Variants in USP46 observed in about 807,000 individuals in gnomAD.
USP46 encodes ubiquitin carboxyl-terminal hydrolase 46.
Under a neutral mutation model 44.4 loss-of-function variants are expected in USP46, and 12 were observed. The ratio of observed to expected loss-of-function variants is 0.27; its 90% CI spans 0.17 to 0.44. USP46 has a LOEUF of 0.44. Among genes scored for constraint, USP46 ranks in the 20% least tolerant of loss-of-function variants. The probability of loss-of-function intolerance (pLI) is 1.00; values close to 1 mark genes in which losing one functional copy is unlikely to be tolerated. For synonymous variants in USP46, 155 were observed against 161.5 expected (o/e 0.96, Z 0.31); for missense variants, 248 against 444.8 (o/e 0.56, Z 3.98).
intron 1 of USP46, among the ~76,000 whole-genome samples, chr4:52,644,695 T>G (rs1718474104): frequency 7.1e-6 from 1 of 140,274 alleles, no homozygotes; most frequent in Admixed American, 7.5e-5. Flanking sequence ...CTGTCCCTGG[T>G]GCCAAAAAGT....
At chr4:52,619,310 A>AG (rs1717289253) in intron 4 of USP46, among the ~76,000 whole-genome samples, 1 of 152,126 alleles carries the variant, frequency 6.6e-6, no homozygotes, top group African/African-American at 2.4e-5. Flanking sequence ...GAAAAAAAAA[A>AG]AAAAGAAAAA....
chr4:52,643,528 C>T (rs1054635510), intron 1 of USP46, among the ~76,000 whole-genome samples: 3 of 152,210 alleles, frequency 2.0e-5, no homozygotes, highest in Non-Finnish European at 4.4e-5. Context: ...ACTGTCCAGA[C>T]ATTTACAGAA....
rs888522530 is a variant in USP46 at position 52,608,237 on chromosome 4, T to C, written c.638+2304A>G. ...CTGTTTCTGGATGGGAAGGCTATCA[T>C]TTTTTGTAAACACAGCTATCGTGTC... is the stretch of plus-strand genomic sequence containing the variant. On this transcript the variant is annotated intron_variant, in intron 5 of 8. Transcript: ENST00000441222. Among the ~76,000 whole-genome samples, 5 of 152,378 alleles carry C rather than the reference T, an allele frequency of 3.3e-5. No individual in the cohort carries two copies. The East Asian group carries it at 9.6e-4, about 29-fold the overall frequency.
intron 4 of USP46, among the ~76,000 whole-genome samples, chr4:52,621,394 G>A (rs543855133): frequency 6.6e-5 from 10 of 152,256 alleles, no homozygotes; most frequent in South Asian, 2.1e-4. Context: ...TGTGGCTCAC[G>A]TATGTAATCC....
At chr4:52,612,732 A>G (rs1197438390) in intron 4 of USP46, among the ~76,000 whole-genome samples, 1 of 152,214 alleles carries the variant, frequency 6.6e-6, no homozygotes, top group East Asian at 1.9e-4. Context: ...CTACAAACAC[A>G]CAAGTTTAGC....
intron 4 of USP46, among the ~76,000 whole-genome samples, chr4:52,616,733 A>G (rs1187596162): frequency 6.6e-6 from 1 of 152,238 alleles, no homozygotes; most frequent in Non-Finnish European, 1.5e-5. Flanking sequence ...GTGGAAGGAC[A>G]TAAGACATAT....
Position 52,632,998 on chromosome 4 carries a change from G to GAAAGAAAGAAAGAAAGAAAAGA in USP46, c.37-1855_37-1854insTCTTTTCTTTCTTTCTTTCTTT. 4.4e-5 allele frequency among the ~76,000 whole-genome samples: 5 copies of GAAAGAAAGAAAGAAAGAAAAGA among 112,618 alleles called. No homozygotes were observed. The South Asian group carries it at 1.2e-3, about 27-fold the overall frequency. The allele number at this position is 112,618 out of a possible 152,430, so 73.9% of individuals were successfully genotyped here. A position where few individuals can be genotyped will look rare whatever the true frequency, so the allele number is the denominator to read the frequency against. On this transcript the variant is annotated intron_variant, in intron 1 of 8. Transcript: ENST00000441222. ...AAAGAAAGAAAGAAAAGAAAAGAAA[G>GAAAGAAAGAAAGAAAGAAAAGA]AAAGAAAGAAAGAAAGAAAGAAAGA... is the stretch of plus-strand genomic sequence containing the variant.
chr4:52,613,644 C>T (rs901867924), intron 4 of USP46, among the ~76,000 whole-genome samples: 1 of 151,616 alleles, frequency 6.6e-6, no homozygotes, highest in Admixed American at 6.6e-5. Context: ...ATCACTTGAA[C>T]CCAGGAGGCG....
At chr4:52,622,161 G>T (rs1717401606) in intron 4 of USP46, among the ~76,000 whole-genome samples, 1 of 152,204 alleles carries the variant, frequency 6.6e-6, no homozygotes, top group Non-Finnish European at 1.5e-5. Flanking sequence ...CTGGGCAAAG[G>T]ATGAGACTGA....
At chr4:52,625,666 T>C (rs1225731135) in intron 4 of USP46, among the ~76,000 whole-genome samples, 4 of 152,196 alleles carry the variant, frequency 2.6e-5, no homozygotes, top group African/African-American at 7.2e-5. Flanking sequence ...ACTGGGGTGA[T>C]GGTCCTGTTC....
chr4:52,644,042 C>T (rs898521260), intron 1 of USP46, among the ~76,000 whole-genome samples: 3 of 152,194 alleles, frequency 2.0e-5, no homozygotes, highest in African/African-American at 7.2e-5. Flanking sequence ...CGGGCACTTA[C>T]CCAGAGTGGC....
intron 7 of USP46, among the ~76,000 whole-genome samples, chr4:52,600,179 C>A (rs531268132): frequency 3.8e-4 from 58 of 152,154 alleles, no homozygotes; most frequent in African/African-American, 1.4e-3. Context: ...GGGCAGGGTC[C>A]CTGTGCTGTG....
chr4:52,605,391 T>C (rs1716648788), intron 5 of USP46, among the ~76,000 whole-genome samples: 1 of 152,220 alleles, frequency 6.6e-6, no homozygotes, highest in South Asian at 2.1e-4. Flanking sequence ...AACATTTCTG[T>C]GGTACTGCTT....
chr4:52,625,933 C>A, intron 4 of USP46, 85 bp downstream of exon 4: 1 of 1,291,462 alleles, frequency 7.7e-7, no homozygotes, highest in Middle Eastern at 1.9e-4. Context: ...CTGCTAAATG[C>A]TATAATACGA....
At chr4:52,647,751 A>G (rs1042720307) in intron 1 of USP46, among the ~76,000 whole-genome samples, 5 of 152,144 alleles carry the variant, frequency 3.3e-5, no homozygotes, top group Admixed American at 6.5e-5. Context: ...TGAAAACCAT[A>G]GCTGGTTTAT....
chr4:52,611,749 A>G (rs989292608), intron 4 of USP46, among the ~76,000 whole-genome samples: 1 of 152,088 alleles, frequency 6.6e-6, no homozygotes, highest in African/African-American at 2.4e-5. Flanking sequence ...TTAGCCAGGC[A>G]TGGTAGCACA....
intron 1 of USP46, chr4:52,656,504 G>A: frequency 6.9e-7 from 1 of 1,439,886 alleles, no homozygotes; most frequent in African/African-American, 1.4e-5. Flanking sequence ...CTATACATGG[G>A]AGGTGTTTAT....
intron 2 of USP46, among the ~76,000 whole-genome samples, chr4:52,629,202 A>G (rs1239644741): frequency 6.6e-6 from 1 of 152,240 alleles, no homozygotes; most frequent in Non-Finnish European, 1.5e-5. Context: ...CATACTTAAC[A>G]TGACATTTCT....
At chr4:52,649,636 A>G (rs1236057545) in intron 1 of USP46, among the ~76,000 whole-genome samples, 2 of 152,246 alleles carry the variant, frequency 1.3e-5, no homozygotes, top group Admixed American at 1.3e-4. Flanking sequence ...GCTAATGCCT[A>G]TGCATGATAA....
Sources: gnomAD v4.1 joint callset for allele counts (sites outside exome capture counted in the v4.1 genomes callset) on GRCh38, gnomAD v4.1.1 for gene constraint, MANE v1.5 for transcripts, NCBI Gene and HGNC (gene_info 2026-07-23, HGNC 2026-07-21) for gene names.